The following USP7 variants were observed in gnomAD, a reference collection of about 807,000 sequenced individuals.
The protein encoded by USP7 is ubiquitin C-terminal hydrolase 7.
In USP7, 9 loss-of-function variants were observed where a neutral mutation model predicts 162.9. That is an observed-to-expected ratio of 0.06 (90% confidence interval 0.03 to 0.10). The LOEUF (loss-of-function observed/expected upper bound fraction) is 0.10, where lower values mean the gene tolerates loss of function less well. Ranked by LOEUF, USP7 falls within the 10% of genes least tolerant of loss-of-function variation. The pLI is 1.00. For missense variants in USP7, 715 were observed against 1,373.7 expected, an observed-to-expected ratio of 0.52 and a Z score of 7.58; for synonymous variants, 562 against 475.9, an observed-to-expected ratio of 1.18 and a Z score of -2.35.
In USP7 at chr16:8,892,605, CTAAAAAA is replaced by C. The variant is rs1567201167; in HGVS notation, c.*1386_*1392del. ...AAGAGTAAATGTGACTAGTTAGAGGCTAAAAAAAAAAAAAAAAAAAAAAAGAAACAAG... is the reference window on the plus strand; with the variant it reads ...AAGAGTAAATGTGACTAGTTAGAGGCAAAAAAAAAAAAAAAAAGAAACAAG... On this transcript the variant is annotated 3_prime_UTR_variant, in exon 31 of 31. Transcript: ENST00000344836. The C allele has an allele frequency of 3.4e-5, 1 of 29,444 alleles. No individual in the cohort carries two copies. The allele number at this position is 29,444 out of a possible 1,614,324, so 1.8% of individuals were successfully genotyped here. A position where few individuals can be genotyped will look rare whatever the true frequency, so the allele number is the denominator to read the frequency against.
At chr16:8,937,276 G>A (rs1377666301) in intron 1 of USP7, among the ~76,000 whole-genome samples, 1 of 152,190 alleles carries the variant, frequency 6.6e-6, no homozygotes, top group Non-Finnish European at 1.5e-5. Context: ...CAGGCAGGGT[G>A]GCTCACGCCT....
chr16:8,930,887 T>C (rs547323980), intron 1 of USP7, among the ~76,000 whole-genome samples: 1 of 151,862 alleles, frequency 6.6e-6, no homozygotes, highest in African/African-American at 2.4e-5. Flanking sequence ...GAAAATCACT[T>C]GAACTCAGGA....
chr16:8,912,694 G>A (rs1449624498), intron 10 of USP7, among the ~76,000 whole-genome samples: 1 of 151,350 alleles, frequency 6.6e-6, no homozygotes, highest in Non-Finnish European at 1.5e-5. Context: ...GGCCAAGGCG[G>A]GCAGACTGAT....
rs750404372 is a variant in USP7, at chr16:8,902,523, T to C, written c.1840-41A>G. 6 of 1,558,176 alleles carry C rather than the reference T, an allele frequency of 3.9e-6. No homozygotes were observed. In the Admixed American group the frequency reaches 1.0e-4, roughly 27 times the overall value. On this transcript the variant is annotated intron_variant, in intron 16 of 30. Coordinates refer to ENST00000344836, the MANE Select transcript of USP7 (RefSeq NM_003470.3). ...AGAGTAGATTAAAATAAAAACACGC[T>C]CATATTTTAGTCCTCTATATTACAC...
chr16:8,936,980 GCT>G, intron 1 of USP7, among the ~76,000 whole-genome samples: 1 of 152,036 alleles, frequency 6.6e-6, no homozygotes, highest in Admixed American at 6.6e-5. Flanking sequence ...GCACACAGGC[GCT>G]CTGTCATAAT....
intron 1 of USP7, among the ~76,000 whole-genome samples, chr16:8,960,135 C>T (rs762450851): frequency 3.3e-5 from 5 of 152,196 alleles, no homozygotes; most frequent in African/African-American, 4.8e-5. Flanking sequence ...CCAAAGTTAG[C>T]GAATAAATAA....
intron 2 of USP7, among the ~76,000 whole-genome samples, chr16:8,925,806 G>A (rs140481416): frequency 1.3e-5 from 2 of 152,330 alleles, no homozygotes; most frequent in East Asian, 1.9e-4. Flanking sequence ...CACTTCGGGT[G>A]TATTAAAATT....
intron 18 of USP7, chr16:8,901,847 ACTG>A: frequency 1.8e-6 from 1 of 547,176 alleles, no homozygotes; most frequent in Non-Finnish European, 3.3e-6. Context: ...AGCAGCTGAG[ACTG>A]AAGACAGAAC....
chr16:8,909,955 C>G (rs1336703677), intron 11 of USP7, among the ~76,000 whole-genome samples: 2 of 152,092 alleles, frequency 1.3e-5, no homozygotes, highest in African/African-American at 4.8e-5. Flanking sequence ...TGATCTATAC[C>G]TCAGTCCCTC....
At chr16:8,915,051 TGGGAAGGG>T (rs2062007755) in intron 10 of USP7, among the ~76,000 whole-genome samples, 195 bp downstream of exon 10, 1 of 152,144 alleles carries the variant, frequency 6.6e-6, no homozygotes, top group Non-Finnish European at 1.5e-5. Context: ...AGGTGGTGGC[TGGGAAGGG>T]CTGTGGGAGT....
chr16:8,959,662 G>C (rs61426394), intron 1 of USP7, among the ~76,000 whole-genome samples: 14,995 of 152,212 alleles, frequency 0.099, 999 homozygotes, highest in African/African-American at 0.18. Flanking sequence ...CTTTTGTCTC[G>C]TTACAGTGCT....
At chr16:8,929,705 T>C (rs1004736328) in intron 2 of USP7, among the ~76,000 whole-genome samples, 3 of 152,140 alleles carry the variant, frequency 2.0e-5, no homozygotes, top group Non-Finnish European at 4.4e-5. Context: ...ATTTGATAAA[T>C]TTAAAGAAGG....
At chr16:8,915,963 C>G (rs1243977229) in intron 8 of USP7, among the ~76,000 whole-genome samples, 1 of 152,150 alleles carries the variant, frequency 6.6e-6, no homozygotes, top group Non-Finnish European at 1.5e-5. Flanking sequence ...AGAAAACACA[C>G]CTTGCCCAGC....
intron 1 of USP7, among the ~76,000 whole-genome samples, chr16:8,948,597 G>A (rs1899399681): frequency 6.6e-6 from 1 of 152,152 alleles, no homozygotes; most frequent in Admixed American, 6.5e-5. Flanking sequence ...CTAAGAACCT[G>A]CACATCTCTT....
In USP7 at chr16:8,913,546, T is replaced by C. The variant is rs917953822; in HGVS notation, c.1078+1708A>G. ...GACCGAAGGAAGGAACCTGCCAACC[T>C]AGAAGTCTACACCGAGTTAAAATGT... On this transcript the variant is annotated intron_variant, in intron 10 of 30. Transcript: ENST00000344836. Among the ~76,000 whole-genome samples the C allele has an allele frequency of 2.6e-4, 40 of 151,880 alleles. 1 individual carries two copies. The highest frequency in any genetic ancestry group is 9.7e-4 in the African/African-American group (40 of 41,224).
intron 1 of USP7, among the ~76,000 whole-genome samples, chr16:8,958,758 T>C (rs974583782): frequency 6.6e-6 from 1 of 152,244 alleles, no homozygotes; most frequent in African/African-American, 2.4e-5. Flanking sequence ...CCAGGCTGAC[T>C]ACAGCATCAG....
At chr16:8,940,883 G>A (rs1260972188) in intron 1 of USP7, among the ~76,000 whole-genome samples, 5 of 151,440 alleles carry the variant, frequency 3.3e-5, no homozygotes, top group African/African-American at 1.2e-4. Context: ...TCCAGAACCT[G>A]GAATATATAC....
chr16:8,926,651 A>G (rs926559681), intron 2 of USP7, among the ~76,000 whole-genome samples: 3 of 152,144 alleles, frequency 2.0e-5, no homozygotes, highest in Non-Finnish European at 1.5e-5. Flanking sequence ...CCTATGTATT[A>G]TTTTTTTGCA....
At position 8,899,631 on chromosome 16, in the gene USP7, C is replaced by G. The variant is rs765786478; in HGVS notation, c.2436G>C (p.Thr812=). Residue 812 remains threonine, a synonymous_variant, in exon 22 of 31, where the codon ACG becomes ACC. Coordinates refer to ENST00000344836, the MANE Select transcript of USP7 (RefSeq NM_003470.3). ...GAAAATAATTCATTCTATTTGATAA[C>G]GTAACCACAAATCCAGGATCATTAG... ...TIPNDPGFVV[T]LSNRMNYFQV... The G allele has an allele frequency of 1.2e-6, 2 of 1,614,076 alleles. No individual in the cohort carries two copies. The highest frequency in any genetic ancestry group is 2.7e-5 in the African/African-American group (2 of 74,940).
Sources: gnomAD v4.1 joint callset for allele counts (sites outside exome capture counted in the v4.1 genomes callset) on GRCh38, gnomAD v4.1.1 for gene constraint, MANE v1.5 for transcripts, NCBI Gene and HGNC (gene_info 2026-07-23, HGNC 2026-07-21) for gene names.